Variants in SESN1 observed in about 807,000 individuals in gnomAD.
SESN1 encodes the protein sestrin-1.
SESN1 carries 30 observed loss-of-function variants against 59.3 expected under a neutral mutation model. The ratio of observed to expected loss-of-function variants is 0.51; its 90% CI spans 0.38 to 0.69. The LOEUF (loss-of-function observed/expected upper bound fraction) is 0.69, where lower values mean the gene tolerates loss of function less well. SESN1 is among the 30% of genes least tolerant of loss of function. The probability of loss-of-function intolerance (pLI) is 0.00; values close to 1 mark genes in which losing one functional copy is unlikely to be tolerated. For synonymous variants in SESN1, 197 were observed against 219.9 expected, an observed-to-expected ratio of 0.90 and a Z score of 0.92; for missense variants, 566 against 673.0, an observed-to-expected ratio of 0.84 and a Z score of 1.76.
At chr6:109,035,895 C>T (rs1206017561) in intron 1 of SESN1, among the ~76,000 whole-genome samples, 1 of 152,182 alleles carries the variant, frequency 6.6e-6, no homozygotes, top group Non-Finnish European at 1.5e-5. Flanking sequence ...GACGTGACCA[C>T]TGCACCACTA....
chr6:109,094,328 G>A lies in SESN1; in HGVS notation c.-255C>T. On this transcript the variant is annotated 5_prime_UTR_variant, in exon 1 of 10. Transcript: ENST00000436639. ...AACAAAGTTTGAAAGTTGCAACCTT[G>A]CAGCGCTGGCTTTGGTGGGCAGAGA... 2.0e-6 allele frequency: 1 copy of A among 497,032 alleles called. No homozygotes were observed. Among genetic ancestry groups the A allele is most frequent in the Non-Finnish European group, 3.6e-6 (1 of 279,572 alleles). 30.8% of individuals were successfully genotyped at this position (497,032 alleles called of 1,614,324 possible).
chr6:109,080,840 T>C (rs962783961), intron 1 of SESN1, among the ~76,000 whole-genome samples: 16 of 152,128 alleles, frequency 1.1e-4, no homozygotes, highest in African/African-American at 3.9e-4. Context: ...TTTTGAGAAC[T>C]GACACGACAC....
Position 109,035,549 on chromosome 6 carries a change from A to G in SESN1, c.280-33206T>C, listed in dbSNP as rs528552489. Among the ~76,000 whole-genome samples, 48 of 117,528 alleles carry G rather than the reference A, an allele frequency of 4.1e-4. 2 individuals carry two copies. The South Asian group carries it at 0.011, about 26-fold the overall frequency. 77.1% of individuals were successfully genotyped at this position (117,528 alleles called of 152,430 possible). The stretch of plus-strand genomic sequence containing the variant: ...AAAGATGTGACTACCCGGCAGAGGG[A>G]AAAAAAAAAAGGAAAAGGAAAAGAA... On this transcript the variant is annotated intron_variant, in intron 1 of 9. Transcript: ENST00000436639.
intron 1 of SESN1, among the ~76,000 whole-genome samples, chr6:109,027,211 G>T (rs1235229686): frequency 6.6e-6 from 1 of 151,692 alleles, no homozygotes; most frequent in African/African-American, 2.4e-5. Context: ...GGTGGCTCAC[G>T]CCTGTAATCC....
intron 1 of SESN1, among the ~76,000 whole-genome samples, chr6:109,026,014 G>T (rs1262892693): frequency 6.6e-6 from 1 of 151,514 alleles, no homozygotes; most frequent in African/African-American, 2.4e-5. Context: ...TTATACCTTG[G>T]CCTACAGTAA....
At chr6:109,002,599 G>A (rs1779650673) in intron 1 of SESN1, among the ~76,000 whole-genome samples, 1 of 152,150 alleles carries the variant, frequency 6.6e-6, no homozygotes, top group South Asian at 2.1e-4. Flanking sequence ...TTGGCAGAAA[G>A]TCTAGAACAG....
chr6:109,054,991 TC>T (rs1391554159), intron 1 of SESN1, among the ~76,000 whole-genome samples: 1 of 152,198 alleles, frequency 6.6e-6, no homozygotes, highest in Non-Finnish European at 1.5e-5. Flanking sequence ...TATACTTTTC[TC>T]CAAGAAGGTG....
chr6:109,052,804 T>G (rs1427061361), intron 1 of SESN1, among the ~76,000 whole-genome samples: 1 of 152,000 alleles, frequency 6.6e-6, no homozygotes, highest in Admixed American at 6.6e-5. Flanking sequence ...GAATATTCCT[T>G]TAGTTCATTC....
chr6:109,062,633 G>A (rs1780750869), intron 1 of SESN1, among the ~76,000 whole-genome samples: 1 of 152,200 alleles, frequency 6.6e-6, no homozygotes, highest in South Asian at 2.1e-4. Flanking sequence ...AGAAATAGCT[G>A]TATTAAAACA....
intron 9 of SESN1, among the ~76,000 whole-genome samples, chr6:108,988,049 C>T (rs1318493734): frequency 6.6e-6 from 1 of 152,140 alleles, no homozygotes; most frequent in Non-Finnish European, 1.5e-5. Context: ...CTGCCTTGGC[C>T]TCCCCAAGTG....
intron 1 of SESN1, among the ~76,000 whole-genome samples, chr6:109,075,248 T>C (rs1349673985): frequency 1.3e-5 from 2 of 152,194 alleles, no homozygotes; most frequent in Non-Finnish European, 2.9e-5. Flanking sequence ...CTTCAGGAGA[T>C]AGGTTGTTAG....
At chr6:109,059,119 A>C (rs1365271877) in intron 1 of SESN1, among the ~76,000 whole-genome samples, 1 of 152,080 alleles carries the variant, frequency 6.6e-6, no homozygotes, top group Non-Finnish European at 1.5e-5. Flanking sequence ...ACACACACAT[A>C]ATTTACAGAT....
chr6:109,075,850 C>T (rs926746769), intron 1 of SESN1, among the ~76,000 whole-genome samples: 9 of 152,150 alleles, frequency 5.9e-5, no homozygotes, highest in Admixed American at 4.6e-4. Context: ...AATAAAAGCT[C>T]CTCAACACCC....
rs956378025 is a variant in SESN1 at position 109,073,151 on chromosome 6, T to C, written c.279+20644A>G. 3.3e-5 allele frequency among the ~76,000 whole-genome samples: 5 copies of C among 152,144 alleles called. No individual in the cohort carries two copies. In the East Asian group the frequency reaches 9.6e-4, roughly 29 times the overall value. On this transcript the variant is annotated intron_variant, in intron 1 of 9. Transcript: ENST00000436639. Reference sequence around the variant, plus strand: ...GAACAGGGGCAAATTAGATAACCTCTTTGTGTCTCAGCCTCCTATTAAATG... The same window carrying C: ...GAACAGGGGCAAATTAGATAACCTCCTTGTGTCTCAGCCTCCTATTAAATG...
intron 1 of SESN1, among the ~76,000 whole-genome samples, chr6:109,006,277 C>A (rs537909663): frequency 6.6e-6 from 1 of 152,122 alleles, no homozygotes; most frequent in Admixed American, 6.5e-5. Flanking sequence ...TTTAGCATAA[C>A]TGATGAAAGC....
intron 1 of SESN1, among the ~76,000 whole-genome samples, chr6:109,004,308 C>T (rs1779685622): frequency 6.6e-6 from 1 of 152,028 alleles, no homozygotes; most frequent in African/African-American, 2.4e-5. Flanking sequence ...AAGACTTTCA[C>T]ATGGGAAAAA....
chr6:108,998,627 A>G lies in SESN1; in HGVS notation c.858T>C (p.Cys286=), dbSNP rs1200386362. ...GAGGTCTGAATGTGTGGCCACCATC[A>G]CAATGAATTTCTGGACTGATTCCAC... is the stretch of plus-strand genomic sequence containing the variant. The part of the protein sequence containing the change: ...FGCGISPEIH[C]DGGHTFRPPS... Residue 286 remains cysteine (C), a synonymous_variant, in exon 5 of 10, where the codon TGT becomes TGC. Transcript: ENST00000436639. The G allele has an allele frequency of 6.2e-7, 1 of 1,614,000 alleles. No homozygotes were observed. The highest frequency in any genetic ancestry group is 1.1e-5 in the South Asian group (1 of 91,084).
chr6:109,002,384 A>C, intron 1 of SESN1, 41 bp from the exon 2 acceptor site: 1 of 1,493,096 alleles, frequency 6.7e-7, no homozygotes. Flanking sequence ...TTTGGCAGTA[A>C]ACAAAATGAA....
At chr6:109,007,153 A>G (rs968943819) in intron 1 of SESN1, among the ~76,000 whole-genome samples, 1 of 152,328 alleles carries the variant, frequency 6.6e-6, no homozygotes. Context: ...TGTTTCCTCA[A>G]TGTATAATGC....
Sources: gnomAD v4.1 joint callset for allele counts (sites outside exome capture counted in the v4.1 genomes callset) on GRCh38, gnomAD v4.1.1 for gene constraint, MANE v1.5 for transcripts, NCBI Gene and HGNC (gene_info 2026-07-23, HGNC 2026-07-21) for gene names.